The following CEP63 variants were observed in gnomAD, a reference collection of about 807,000 sequenced individuals.
CEP63 encodes the protein centrosomal protein of 63 kDa.
A neutral mutation model predicts 89.1 loss-of-function variants in CEP63; 84 were observed. The observed-to-expected ratio is 0.94, with a 90% CI of 0.79 to 1.13. CEP63 has a LOEUF of 1.13. Ranked by LOEUF, CEP63 falls within the 50% of genes most tolerant of loss-of-function variation. CEP63 has a pLI of 0.00. For missense variants in CEP63, 838 were observed against 813.3 expected, an observed-to-expected ratio of 1.03 and a Z score of -0.37; for synonymous variants, 267 against 272.5, an observed-to-expected ratio of 0.98 and a Z score of 0.20.
intron 3 of CEP63, among the ~76,000 whole-genome samples, chr3:134,523,420 T>C (rs1947933586): frequency 6.6e-6 from 1 of 152,228 alleles, no homozygotes; most frequent in African/African-American, 2.4e-5. Flanking sequence ...TGACTTGCTT[T>C]TGTTGCAGTT....
At chr3:134,740,269 T>C in the CEP63 span, among the ~76,000 whole-genome samples, 245 of 31,954 alleles carry the variant, frequency 7.7e-3, 4 homozygotes, top group African/African-American at 0.017. Flanking sequence ...TCTTTTCTTT[T>C]ATTTATTTAT....
chr3:134,615,577 T>C, the CEP63 span: 1 of 150,686 alleles, frequency 6.6e-6, no homozygotes, highest in African/African-American at 2.5e-5. Context: ...TATACACTTG[T>C]AGGTGGTATA....
At chr3:134,512,380 C>T (rs765163218) in intron 3 of CEP63, among the ~76,000 whole-genome samples, 47 of 152,328 alleles carry the variant, frequency 3.1e-4, no homozygotes, top group Non-Finnish European at 6.5e-4. Flanking sequence ...CTACAGGGCA[C>T]GTTGACTTTG....
chr3:134,777,983 C>T, the CEP63 span, among the ~76,000 whole-genome samples: 1 of 152,050 alleles, frequency 6.6e-6, no homozygotes, highest in Non-Finnish European at 1.5e-5. Context: ...CACACACACA[C>T]CAACCACTAT....
chr3:134,547,604 G>GGTTTTTTTTTTT, intron 9 of CEP63, 132 bp downstream of exon 9: 1 of 179,012 alleles, frequency 5.6e-6, no homozygotes, highest in Non-Finnish European at 9.2e-6. Context: ...AATGGCCTAA[G>GGTTTTTTTTTTT]TTCTTATTTC....
chr3:134,653,741 C>T, the CEP63 span, among the ~76,000 whole-genome samples: 2 of 152,170 alleles, frequency 1.3e-5, no homozygotes, highest in Non-Finnish European at 2.9e-5. Flanking sequence ...CAAATCCTCC[C>T]TCCAGCTGCT....
intron 7 of CEP63, 122 bp downstream of exon 7, chr3:134,545,941 C>G (rs1212807656): frequency 1.7e-5 from 14 of 840,032 alleles, no homozygotes; most frequent in Non-Finnish European, 2.6e-5. Flanking sequence ...AATGATGGAT[C>G]AGATATTGAT....
the CEP63 span, among the ~76,000 whole-genome samples, chr3:134,647,195 G>T: frequency 6.6e-6 from 1 of 152,158 alleles, no homozygotes; most frequent in Non-Finnish European, 1.5e-5. Context: ...CAAACAAATG[G>T]GTGCTCAAGT....
At chr3:134,738,380 G>A in the CEP63 span, among the ~76,000 whole-genome samples, 1 of 152,248 alleles carries the variant, frequency 6.6e-6, no homozygotes, top group South Asian at 2.1e-4. Context: ...AAACCTGCGT[G>A]TGCAAGTATC....
the CEP63 span, among the ~76,000 whole-genome samples, chr3:134,780,242 T>A: frequency 3.9e-5 from 6 of 152,240 alleles, no homozygotes; most frequent in Non-Finnish European, 8.8e-5. Flanking sequence ...GCCCCCTTTT[T>A]AACACTGGAT....
In CEP63 at chr3:134,486,209, G is replaced by T; in HGVS notation, c.-26+7G>T. On this transcript the variant is annotated splice_region_variant and intron_variant, in intron 1 of 14. Coordinates refer to ENST00000675561, the MANE Select transcript of CEP63 (RefSeq NM_001353108.3). ...TGCGCAGCGCCGGCCCGAGGTAACG[G>T]CGGGAAGGCTCAGGGGCGTGCTTGC... The T allele has an allele frequency of 2.0e-6, 2 of 985,516 alleles. No homozygotes were observed. The highest frequency in any genetic ancestry group is 1.1e-4 in the East Asian group (1 of 8,822). The allele number at this position is 985,516 out of a possible 1,614,324, so 61.0% of individuals were successfully genotyped here. A position where few individuals can be genotyped will look rare whatever the true frequency, so the allele number is the denominator to read the frequency against.
chr3:134,773,536 C>A, the CEP63 span, among the ~76,000 whole-genome samples: 8 of 152,248 alleles, frequency 5.3e-5, no homozygotes, highest in Admixed American at 2.6e-4. Context: ...CCCAGCTTAT[C>A]TCTCACAGCA....
chr3:134,743,449 T>A, the CEP63 span, among the ~76,000 whole-genome samples: 1 of 152,130 alleles, frequency 6.6e-6, no homozygotes, highest in South Asian at 2.1e-4. Flanking sequence ...TCTATTTAAA[T>A]CTAGGTCAGA....
chr3:134,659,967 C>T, the CEP63 span, among the ~76,000 whole-genome samples: 93 of 152,320 alleles, frequency 6.1e-4, no homozygotes, highest in African/African-American at 2.0e-3. Flanking sequence ...TTTAGTCTCA[C>T]GTGTGCAGGC....
chr3:134,573,569 G>C (rs574434460), intron 11 of CEP63, among the ~76,000 whole-genome samples: 8 of 152,228 alleles, frequency 5.3e-5, no homozygotes, highest in African/African-American at 1.9e-4. Context: ...GTAGGCATGT[G>C]GCTTTATTTC....
At chr3:134,581,518 TG>T (rs1958346018) in intron 10 of CEP63, among the ~76,000 whole-genome samples, 1 of 60 alleles carries the variant, frequency 0.017, no homozygotes, top group Admixed American at 0.12. Context: ...AGGCGGAGGT[TG>T]CCAGTGAGCC....
Position 134,537,198 on chromosome 3 carries a change from T to C in CEP63, c.485T>C (p.Ile162Thr), listed in dbSNP as rs542172267. The C allele has an allele frequency of 3.7e-6, 6 of 1,613,982 alleles. No homozygotes were observed. In the African/African-American group the frequency reaches 5.3e-5, roughly 14 times the overall value. ...CTGGACTGGGAGAAGCAACGCTTGA[T>C]TTATCAGCAACAGGTATCTTCACTG... ...KSLDWEKQRL[I>T]YQQQVSSLEA... The change falls in exon 6 of 15, where the codon ATT becomes ACT. Residue 162 changes from isoleucine to threonine, a missense_variant. Coordinates refer to ENST00000675561, the MANE Select transcript of CEP63 (RefSeq NM_001353108.3).
chr3:134,633,508 A>T, the CEP63 span, among the ~76,000 whole-genome samples: 1 of 152,152 alleles, frequency 6.6e-6, no homozygotes, highest in Non-Finnish European at 1.5e-5. Flanking sequence ...AACTACTAGG[A>T]TCACACCTAT....
chr3:134,691,460 C>CA, the CEP63 span, among the ~76,000 whole-genome samples: 1 of 150,722 alleles, frequency 6.6e-6, no homozygotes, highest in Non-Finnish European at 1.5e-5. Context: ...ACAAAAATAG[C>CA]AAAAAAATTT....
Sources: allele counts gnomAD v4.1 joint callset (sites outside exome capture counted in the v4.1 genomes callset), GRCh38; gene constraint gnomAD v4.1.1; transcripts MANE v1.5; gene names NCBI Gene and HGNC (gene_info 2026-07-23, HGNC 2026-07-21).